The following NUMA1 variants were observed in gnomAD, a reference collection of about 807,000 sequenced individuals.
NUMA1 encodes SP-H antigen.
NUMA1 carries 62 observed loss-of-function variants against 237.1 expected under a neutral mutation model. That is an observed-to-expected ratio of 0.26 (90% confidence interval 0.21 to 0.32). The LOEUF (loss-of-function observed/expected upper bound fraction) is 0.32. Ranked by LOEUF, NUMA1 falls within the 10% of genes least tolerant of loss-of-function variation. NUMA1 has a pLI of 1.00. For missense variants in NUMA1, 2,533 were observed against 2,666.5 expected, an observed-to-expected ratio of 0.95 and a Z score of 1.10; for synonymous variants, 1,028 against 1,066.1, an observed-to-expected ratio of 0.96 and a Z score of 0.70.
intron 1 of NUMA1, chr11:72,076,721 G>T (rs1001405950): frequency 6.6e-6 from 1 of 152,148 alleles, no homozygotes; most frequent in Non-Finnish European, 1.5e-5. Flanking sequence ...GGAGGCAGAG[G>T]TTGCAGGGAG....
Position 72,009,063 on chromosome 11 carries a change from C to T in NUMA1, c.4962G>A (p.Arg1654=), listed in dbSNP as rs777180412. 6.2e-7 allele frequency: 1 copy of T among 1,613,740 alleles called. No homozygotes were observed. The highest frequency in any genetic ancestry group is 8.5e-7 in the Non-Finnish European group (1 of 1,180,022). Residue 1654 remains arginine (R), a synonymous_variant, in exon 19 of 27, where the codon CGG becomes CGA. Coordinates refer to ENST00000393695, the MANE Select transcript of NUMA1 (RefSeq NM_006185.4). The part of the protein sequence containing the change: ...ENKELRAEAE[R]LGHELQQAGL... Reference sequence around the variant, plus strand: ...CAGCCTGCTGTAGCTCATGGCCCAGCCGTTCAGCTTCAGCTCGCAGCTCTT... The same window carrying T: ...CAGCCTGCTGTAGCTCATGGCCCAGTCGTTCAGCTTCAGCTCGCAGCTCTT...
chr11:72,014,843 T>C lies in NUMA1; in HGVS notation c.2660A>G (p.Gln887Arg), dbSNP rs757588825. 1 of 1,614,254 alleles carries C rather than the reference T, an allele frequency of 6.2e-7. No individual in the cohort carries two copies. Among genetic ancestry groups the C allele is most frequent in the Non-Finnish European group, 8.5e-7 (1 of 1,180,046 alleles). The change falls in exon 15 of 27, where the codon CAG becomes CGG. Residue 887 changes from glutamine to arginine, a missense_variant. This residue lies in a region of NUMA1 where 1,414 missense variants were observed against 1,508.1 expected (regional missense o/e 0.94). Coordinates refer to ENST00000393695, the MANE Select transcript of NUMA1 (RefSeq NM_006185.4). The surrounding 1 kb of genome is among the most constrained non-coding windows in gnomAD (Gnocchi z 4.6). ...GGCCCTGACTTCCTTCTCTTGGACCTGCTGGAGTGCTCTGGCCAGGTTGGC... is the reference window on the plus strand; with the variant it reads ...GGCCCTGACTTCCTTCTCTTGGACCCGCTGGAGTGCTCTGGCCAGGTTGGC... ...LHANLARALQ[Q>R]VQEKEVRAQK...
chr11:72,014,904 T>C lies in NUMA1; in HGVS notation c.2599A>G (p.Ile867Val). The C allele has an allele frequency of 6.2e-7, 1 of 1,614,208 alleles. No individual in the cohort carries two copies. Among genetic ancestry groups the C allele is most frequent in the Non-Finnish European group, 8.5e-7 (1 of 1,180,030 alleles). The change falls in exon 15 of 27, where the codon ATA becomes GTA. Residue 867 changes from isoleucine (I) to valine (V), a missense_variant. Physicochemically the swap from Ile to Val is conservative, Grantham distance 29. This residue lies in a region of NUMA1 where 1,414 missense variants were observed against 1,508.1 expected (regional missense o/e 0.94). Transcript: ENST00000393695. This position sits in a 1 kb window ranked among gnomAD's most constrained non-coding sequence, Gnocchi z 4.6. ...GCTAGTTCGTTCTGCTGCCGGCTTA[T>C]CTGGAGCTCGCTGTGGGATTCTATG... is the stretch of plus-strand genomic sequence containing the variant. ...AGIESHSELQISRQQNELAEL... is the reference protein window; with the variant it reads ...AGIESHSELQVSRQQNELAEL...
intron 2 of NUMA1, among the ~76,000 whole-genome samples, chr11:72,043,855 T>C (rs1011098271): frequency 6.6e-6 from 1 of 152,120 alleles, no homozygotes; most frequent in African/African-American, 2.4e-5. Flanking sequence ...GGTGGGAGAA[T>C]TCCTTGAACT....
At chr11:72,064,881 C>G (rs917775906) in intron 2 of NUMA1, among the ~76,000 whole-genome samples, 3 of 152,018 alleles carry the variant, frequency 2.0e-5, no homozygotes, top group Admixed American at 6.6e-5. Flanking sequence ...ATGGTATGGC[C>G]CCATTTTTGA....
chr11:72,018,660 G>A (rs1458470488), intron 10 of NUMA1, 147 bp from the exon 11 acceptor site: 1 of 1,084,548 alleles, frequency 9.2e-7, no homozygotes, highest in Non-Finnish European at 1.3e-6. Flanking sequence ...GGAAAGAGAA[G>A]ATGGGGACAA....
rs779169073 is a variant in NUMA1 at position 72,024,285 on chromosome 11, C to G, written c.197G>C (p.Ser66Thr). 1 of 1,614,186 alleles carries G rather than the reference C, an allele frequency of 6.2e-7. No individual in the cohort carries two copies. Among genetic ancestry groups the G allele is most frequent in the Admixed American group, 1.7e-5 (1 of 60,030 alleles). Reference sequence around the variant, plus strand: ...AGAAAGGTGCTTACTCTGCAGAAAACTGCACACAAAGTCCAGTCTCTCTGA... The same window carrying G: ...AGAAAGGTGCTTACTCTGCAGAAAAGTGCACACAAAGTCCAGTCTCTCTGA... ...PVSERLDFVC[S>T]FLQKNRKHPS... is the part of the protein sequence containing the mutation. Residue 66 changes from serine to threonine, a missense_variant, in exon 5 of 27, where the codon AGT (serine) becomes ACT (threonine). By Grantham distance (58) the Ser-to-Thr change is moderately conservative. Around this residue, in one of 3 missense-constraint regions of NUMA1, gnomAD observed 1,414 missense variants for 1,508.1 expected, o/e 0.94. Transcript: ENST00000393695.
chr11:72,052,360 CA>C (rs1365661841), intron 2 of NUMA1, among the ~76,000 whole-genome samples: 2 of 152,118 alleles, frequency 1.3e-5, no homozygotes, highest in Non-Finnish European at 2.9e-5. Flanking sequence ...AGTAGAGTTT[CA>C]CCAAAAAGTA....
chr11:72,008,465 G>A, intron 20 of NUMA1: 3 of 559,434 alleles, frequency 5.4e-6, no homozygotes, highest in Non-Finnish European at 9.6e-6. Context: ...ACCTATGGAT[G>A]CTTTCAAGAC....
intron 2 of NUMA1, among the ~76,000 whole-genome samples, chr11:72,059,153 C>T (rs1266240401): frequency 1.3e-5 from 2 of 152,190 alleles, no homozygotes; most frequent in South Asian, 2.1e-4. Flanking sequence ...TATTCACATA[C>T]AGGTATGTGT....
chr11:72,024,113 G>A (rs1590951685), intron 5 of NUMA1, 161 bp downstream of exon 5: 2 of 607,742 alleles, frequency 3.3e-6, no homozygotes, highest in East Asian at 5.6e-5. Context: ...GGCATCACAA[G>A]ACCCAGGGGA....
intron 13 of NUMA1, 93 bp downstream of exon 13, chr11:72,017,594 A>G: frequency 6.7e-7 from 1 of 1,482,408 alleles, no homozygotes; most frequent in East Asian, 2.3e-5. Flanking sequence ...AAAGCAACTT[A>G]ATACCCAAAG....
chr11:72,044,367 T>C (rs182185587), intron 2 of NUMA1, among the ~76,000 whole-genome samples: 1 of 152,212 alleles, frequency 6.6e-6, no homozygotes, highest in Non-Finnish European at 1.5e-5. Flanking sequence ...TAATTCCTAC[T>C]TGGCATTTTG....
At chr11:72,016,347 A>AAT (rs999120951) in intron 14 of NUMA1, 61 bp downstream of exon 14, 9 of 1,598,608 alleles carry the variant, frequency 5.6e-6, no homozygotes, top group Non-Finnish European at 7.7e-6. Context: ...CAGGAACCCA[A>AAT]ATGTACTGAA....
chr11:72,004,701 G>T lies in NUMA1; in HGVS notation c.5945C>A (p.Thr1982Asn). ...PIQIAEGTGI[T>N]TRQQRKRVSL... ...GACCCGTTTGCGCTGCTGCCGGGTG[G>T]TGATGCCAGTGCCCTCGGCTATCTG... The change falls in exon 24 of 27, where the codon ACC becomes AAC. Residue 1982 changes from threonine to asparagine, a missense_variant. Thr to Asn is a moderately conservative substitution (Grantham distance 65, BLOSUM62 0). Coordinates refer to ENST00000393695, the MANE Select transcript of NUMA1 (RefSeq NM_006185.4). 1.9e-6 allele frequency: 3 copies of T among 1,613,850 alleles called. No homozygotes were observed. Among genetic ancestry groups the T allele is most frequent in the Non-Finnish European group, 2.5e-6 (3 of 1,179,952 alleles).
intron 24 of NUMA1, 113 bp downstream of exon 24, chr11:72,004,527 G>A (rs921997052): frequency 9.3e-6 from 12 of 1,286,056 alleles, no homozygotes; most frequent in African/African-American, 7.4e-5. Flanking sequence ...TTGGAGAGAG[G>A]GAAAGAGAGG....
chr11:72,018,596 G>A, intron 10 of NUMA1, 83 bp from the exon 11 acceptor site: 1 of 1,258,552 alleles, frequency 7.9e-7, no homozygotes, highest in Non-Finnish European at 1.1e-6. Flanking sequence ...ATGTGCACAA[G>A]GGGAAGGGAG....
In NUMA1 at chr11:72,035,806, G is replaced by C. The variant is rs1590998025; in HGVS notation, c.42+96C>G. ...AAACTATTTAGTCTAGAAATGAGAA[G>C]ACTTTACATAGCCCTGGCTCCTACA... is the stretch of plus-strand genomic sequence containing the variant. On this transcript the variant is annotated intron_variant, in intron 3 of 26. Coordinates refer to ENST00000393695, the MANE Select transcript of NUMA1 (RefSeq NM_006185.4). The C allele has an allele frequency of 3.7e-6, 4 of 1,083,386 alleles. No homozygotes were observed. The East Asian group carries it at 9.4e-5, about 26-fold the overall frequency. 67.1% of individuals were successfully genotyped at this position (1,083,386 alleles called of 1,614,324 possible).
In NUMA1 at chr11:72,006,241, T is replaced by A; in HGVS notation, c.5486A>T (p.Asp1829Val). Residue 1829 changes from aspartate to valine, a missense_variant, in exon 22 of 27, where the codon GAC becomes GTC. Transcript: ENST00000393695. ...MTKKLDVEEPDSANSSFYSTR... is the reference protein window; with the variant it reads ...MTKKLDVEEPVSANSSFYSTR... Reference sequence around the variant, plus strand: ...GCTGTAGAACGATGAGTTGGCGCTGTCTGGCTCTTCCACATCTAGCTTCTG... The same window carrying A: ...GCTGTAGAACGATGAGTTGGCGCTGACTGGCTCTTCCACATCTAGCTTCTG... The A allele has an allele frequency of 6.2e-7, 1 of 1,614,170 alleles. No individual in the cohort carries two copies. The highest frequency in any genetic ancestry group is 1.1e-5 in the South Asian group (1 of 91,090).
Sources: allele counts gnomAD v4.1 joint callset (sites outside exome capture counted in the v4.1 genomes callset), GRCh38; gene constraint gnomAD v4.1.1; regional missense constraint gnomAD v4.1.1; non-coding constraint Gnocchi (gnomAD v3.1); transcripts MANE v1.5; gene names NCBI Gene and HGNC (gene_info 2026-07-23, HGNC 2026-07-21).